The following SHQ1 variants were observed in gnomAD, a reference collection of about 807,000 sequenced individuals.
SHQ1 encodes SHQ1, H/ACA ribonucleoprotein assembly factor.
In SHQ1, 49 loss-of-function variants were observed where a neutral mutation model predicts 53.8. The ratio of observed to expected loss-of-function variants is 0.91; its 90% CI spans 0.72 to 1.16. The LOEUF (loss-of-function observed/expected upper bound fraction) is 1.16, where lower values mean the gene tolerates loss of function less well. SHQ1 is among the 50% of genes most tolerant of loss of function. The pLI is 0.00. For synonymous variants in SHQ1, 243 were observed against 251.0 expected (o/e 0.97, Z 0.30); for missense variants, 738 against 683.1 (o/e 1.08, Z -0.90).
chr3:72,778,944 G>A (rs546210631), intron 10 of SHQ1, among the ~76,000 whole-genome samples: 9 of 152,196 alleles, frequency 5.9e-5, no homozygotes, highest in Non-Finnish European at 1.3e-4. Flanking sequence ...AAATCCATTT[G>A]AGTTCCTAAA....
intron 8 of SHQ1, among the ~76,000 whole-genome samples, chr3:72,814,926 G>GT (rs888855736): frequency 2.0e-5 from 3 of 152,032 alleles, no homozygotes; most frequent in Admixed American, 6.6e-5. Flanking sequence ...AATAGGTGAA[G>GT]TTTTTTTACA....
chr3:72,800,624 C>A (rs1469955924), intron 9 of SHQ1, among the ~76,000 whole-genome samples: 3 of 152,186 alleles, frequency 2.0e-5, no homozygotes, highest in African/African-American at 7.2e-5. Flanking sequence ...GAACAATGTC[C>A]AGCAAATTGT....
intron 10 of SHQ1, among the ~76,000 whole-genome samples, chr3:72,764,496 G>A (rs1402452612): frequency 6.6e-6 from 1 of 152,150 alleles, no homozygotes; most frequent in Non-Finnish European, 1.5e-5. Flanking sequence ...AAACTAAACC[G>A]AAGTGAAAAG....
At chr3:72,730,308 T>C in the SHQ1 span, among the ~76,000 whole-genome samples, 100 of 151,958 alleles carry the variant, frequency 6.6e-4, no homozygotes, top group African/African-American at 2.4e-3. Flanking sequence ...AGAGATGGGG[T>C]ATCACTATGT....
intron 10 of SHQ1, among the ~76,000 whole-genome samples, chr3:72,780,507 T>C (rs1207265128): frequency 1.3e-5 from 2 of 152,180 alleles, no homozygotes; most frequent in Admixed American, 1.3e-4. Context: ...AAAATCTAAA[T>C]TGGCTGGCAA....
chr3:72,762,142 C>T (rs1469622174), intron 10 of SHQ1, among the ~76,000 whole-genome samples: 3 of 152,114 alleles, frequency 2.0e-5, no homozygotes, highest in Non-Finnish European at 4.4e-5. Context: ...CACATTAGTA[C>T]ACACATACAC....
intron 9 of SHQ1, among the ~76,000 whole-genome samples, chr3:72,802,846 T>G (rs770926310): frequency 5.3e-5 from 8 of 152,230 alleles, no homozygotes; most frequent in Non-Finnish European, 1.0e-4. Context: ...GACCAGGCTC[T>G]GGCTGACAAG....
chr3:72,736,496 A>T, the SHQ1 span, among the ~76,000 whole-genome samples: 25 of 151,874 alleles, frequency 1.6e-4, no homozygotes, highest in African/African-American at 5.8e-4. Context: ...TTTTTAAAAA[A>T]ATCCTCAGTT....
intron 6 of SHQ1, among the ~76,000 whole-genome samples, chr3:72,821,253 A>G (rs186380644): frequency 3.9e-5 from 6 of 152,296 alleles, no homozygotes; most frequent in Non-Finnish European, 7.4e-5. Context: ...TGTCCCTGCT[A>G]GGAAGTTCAT....
At chr3:72,800,291 T>C (rs1028824565) in intron 9 of SHQ1, among the ~76,000 whole-genome samples, 2 of 152,206 alleles carry the variant, frequency 1.3e-5, no homozygotes, top group Non-Finnish European at 2.9e-5. Flanking sequence ...ACCCAGTCTG[T>C]GGTATTCTGT....
chr3:72,833,999 G>A (rs964630570), intron 4 of SHQ1, among the ~76,000 whole-genome samples: 1 of 152,192 alleles, frequency 6.6e-6, no homozygotes, highest in African/African-American at 2.4e-5. Context: ...CTTATAGGTT[G>A]GTGCCTAATA....
intron 10 of SHQ1, among the ~76,000 whole-genome samples, chr3:72,764,063 T>C (rs1705666588): frequency 6.6e-6 from 1 of 151,886 alleles, no homozygotes; most frequent in Non-Finnish European, 1.5e-5. Context: ...CAGAAAAGTT[T>C]TCTTTGCGTA....
At chr3:72,792,807 A>C (rs1009584446) in intron 10 of SHQ1, 109 bp downstream of exon 10, 55 of 809,760 alleles carry the variant, frequency 6.8e-5, no homozygotes, top group Admixed American at 6.2e-4. Context: ...AAAAAAAAAA[A>C]AAAACACAAC....
chr3:72,738,415 G>C, the SHQ1 span, among the ~76,000 whole-genome samples: 1,565 of 152,190 alleles, frequency 0.01, 8 homozygotes, highest in Non-Finnish European at 0.016. Flanking sequence ...TCCTCTCCAG[G>C]TGAAGCTTCA....
intron 10 of SHQ1, among the ~76,000 whole-genome samples, chr3:72,751,533 TATAC>T: frequency 8.2e-6 from 1 of 122,230 alleles, no homozygotes; most frequent in African/African-American, 3.4e-5. Flanking sequence ...TATATATACA[TATAC>T]ATACACTAAT....
At position 72,815,407 on chromosome 3, in the gene SHQ1, T is replaced by C. The variant is rs1177805538; in HGVS notation, c.883-4A>G. On this transcript the variant is annotated splice_region_variant and splice_polypyrimidine_tract_variant and intron_variant, in intron 7 of 10. Coordinates refer to ENST00000325599, the MANE Select transcript of SHQ1 (RefSeq NM_018130.3). ...TGATATTCCATGCAGATTCAACCTT[T>C]ATTTGTTTTGGAGAAAAGAATACCA... 8 of 1,612,282 alleles carry C rather than the reference T, an allele frequency of 5.0e-6. No individual in the cohort carries two copies. Among genetic ancestry groups the C allele is most frequent in the Non-Finnish European group, 6.8e-6 (8 of 1,178,920 alleles).
chr3:72,746,883 T>C (rs1705268589), downstream of SHQ1, among the ~76,000 whole-genome samples: 1 of 152,192 alleles, frequency 6.6e-6, no homozygotes, highest in Non-Finnish European at 1.5e-5. Context: ...CTTCAGATAA[T>C]GTACTAGTGA....
At position 72,779,975 on chromosome 3, in the gene SHQ1, CT is replaced by C. The variant is rs1439147320; in HGVS notation, c.1181+12940del. Among the ~76,000 whole-genome samples, 11 of 152,342 alleles carry C rather than the reference CT, an allele frequency of 7.2e-5. No individual in the cohort carries two copies. The East Asian group carries it at 2.1e-3, about 29-fold the overall frequency. ...CAAGGCCAGGCGAGGTGGCTCATGCCTATAATCCTAGCACTTTTGGGAGGCC... is the reference window on the plus strand; with the variant it reads ...CAAGGCCAGGCGAGGTGGCTCATGCCATAATCCTAGCACTTTTGGGAGGCC... On this transcript the variant is annotated intron_variant, in intron 10 of 10. Transcript: ENST00000325599.
At chr3:72,765,555 ATATT>A (rs1485383048) in intron 10 of SHQ1, among the ~76,000 whole-genome samples, 11 of 71,718 alleles carry the variant, frequency 1.5e-4, no homozygotes, top group East Asian at 1.0e-3. Context: ...ATATATATAT[ATATT>A]TTTTTTTTTT....
Sources: allele counts gnomAD v4.1 joint callset (sites outside exome capture counted in the v4.1 genomes callset), GRCh38; gene constraint gnomAD v4.1.1; transcripts MANE v1.5; gene names NCBI Gene and HGNC (gene_info 2026-07-23, HGNC 2026-07-21).